AKAP12: variants seen among roughly 807,000 people sequenced by gnomAD.
The protein encoded by AKAP12 is A-kinase anchor protein 12.
Under a neutral mutation model 79.9 loss-of-function variants are expected in AKAP12, and 32 were observed. The ratio of observed to expected loss-of-function variants is 0.40; its 90% CI spans 0.30 to 0.54. AKAP12 has a LOEUF of 0.54. Among genes scored for constraint, AKAP12 ranks in the 20% least tolerant of loss-of-function variants. The probability of loss-of-function intolerance (pLI) is 0.48; values close to 1 mark genes in which losing one functional copy is unlikely to be tolerated. For synonymous variants in AKAP12, 808 were observed against 857.0 expected (o/e 0.94, Z 1.00); for missense variants, 2,074 against 2,177.0 (o/e 0.95, Z 0.94).
chr6:151,268,094 C>CG (rs1244325919), intron 2 of AKAP12, among the ~76,000 whole-genome samples: 2 of 152,116 alleles, frequency 1.3e-5, no homozygotes, highest in Non-Finnish European at 2.9e-5. Context: ...GGAACCCTCA[C>CG]GGGACCCACA....
chr6:151,282,987 G>A (rs1271137389), intron 2 of AKAP12, among the ~76,000 whole-genome samples: 1 of 152,166 alleles, frequency 6.6e-6, no homozygotes, highest in Non-Finnish European at 1.5e-5. Context: ...AAATTTAGAT[G>A]ACTGTTGAAG....
chr6:151,355,610 T>G (rs1301723892), intron 4 of AKAP12, 117 bp from the exon 5 acceptor site: 13 of 152,438 alleles, frequency 8.5e-5, no homozygotes, highest in Admixed American at 8.5e-4. Context: ...CCCATCTTTG[T>G]TTTTTTAATG....
At chr6:151,261,624 C>T (rs1323708921) in intron 2 of AKAP12, among the ~76,000 whole-genome samples, 3 of 151,538 alleles carry the variant, frequency 2.0e-5, no homozygotes, top group Non-Finnish European at 4.4e-5. Context: ...TCACTTGAAC[C>T]CGGGAGGTGG....
intron 3 of AKAP12, among the ~76,000 whole-genome samples, chr6:151,347,475 T>A (rs1056429354): frequency 2.6e-5 from 4 of 152,250 alleles, no homozygotes; most frequent in African/African-American, 9.6e-5. Context: ...CATCTTACAT[T>A]GCAACAGAAG....
At position 151,353,212 on chromosome 6, in the gene AKAP12, T is replaced by G. The variant is rs1267631971; in HGVS notation, c.4821T>G (p.Asp1607Glu). The change falls in exon 4 of 5, where the codon GAT becomes GAG. Residue 1607 changes from aspartate to glutamate, a missense_variant. Asp to Glu is a conservative substitution (Grantham distance 45). Around this residue, in one of 3 missense-constraint regions of AKAP12, gnomAD observed 614 missense variants for 665.6 expected, o/e 0.92. Transcript: ENST00000402676. ...AGGAACCTCAGGCCTCTGCACAGGA[T>G]GAAACACCAATTACTTCAGCCAAAG... ...EGEEPQASAQ[D>E]ETPITSAKEE... is the part of the protein sequence containing the mutation. The G allele has an allele frequency of 1.9e-6, 3 of 1,614,072 alleles. No individual in the cohort carries two copies. In the East Asian group the frequency reaches 6.7e-5, roughly 36 times the overall value.
chr6:151,292,374 A>T (rs764235540), intron 2 of AKAP12, among the ~76,000 whole-genome samples: 1 of 152,216 alleles, frequency 6.6e-6, no homozygotes, highest in Non-Finnish European at 1.5e-5. Context: ...CAATCAGTTT[A>T]AGCAATCTGG....
At chr6:151,302,084 C>T (rs7741837) in intron 2 of AKAP12, among the ~76,000 whole-genome samples, 43,407 of 150,646 alleles carry the variant, frequency 0.29, 7,522 homozygotes, top group Non-Finnish European at 0.41. Flanking sequence ...GATCTCAGCT[C>T]GCTGCAACCT....
rs938251779 is a variant in AKAP12 at position 151,261,194 on chromosome 6, C to A, written c.162+20470C>A. 1.3e-4 allele frequency among the ~76,000 whole-genome samples: 20 copies of A among 151,382 alleles called. 1 individual carries two copies. The East Asian group carries it at 3.7e-3, about 28-fold the overall frequency. ...CCTGAGGTCAGGAGTTCGAGGCCAG[C>A]CTGGTTAACATGGCGAAACCCCATC... On this transcript the variant is annotated intron_variant, in intron 2 of 4. Coordinates refer to ENST00000402676, the MANE Select transcript of AKAP12 (RefSeq NM_005100.4).
At chr6:151,305,035 C>T (rs974889283) in intron 2 of AKAP12, among the ~76,000 whole-genome samples, 3 of 152,210 alleles carry the variant, frequency 2.0e-5, no homozygotes, top group Admixed American at 2.0e-4. Flanking sequence ...CACTGGCCTT[C>T]GCGCCAAGCG....
At position 151,350,128 on chromosome 6, in the gene AKAP12, G is replaced by A. The variant is rs1778236731; in HGVS notation, c.1737G>A (p.Leu579=). 1.2e-6 allele frequency: 2 copies of A among 1,614,040 alleles called. No individual in the cohort carries two copies. Among genetic ancestry groups the A allele is most frequent in the Admixed American group, 3.3e-5 (2 of 60,006 alleles). Residue 579 remains leucine, a synonymous_variant, in exon 4 of 5, where the codon CTG becomes CTA. Transcript: ENST00000402676. This position sits in a 1 kb window ranked among gnomAD's most constrained non-coding sequence, Gnocchi z 4.8. The part of the protein sequence containing the change: ...SPEEPEEITC[L]EKGLAEVQQD... ...AGGAGCCCGAGGAGATCACGTGTCT[G>A]GAAAAGGGCTTAGCCGAGGTGCAGC... is the stretch of plus-strand genomic sequence containing the variant.
chr6:151,345,185 CCTT>C (rs1356837054), intron 3 of AKAP12, among the ~76,000 whole-genome samples: 2 of 151,956 alleles, frequency 1.3e-5, no homozygotes, highest in African/African-American at 4.8e-5. Flanking sequence ...ACACCATTCT[CCTT>C]CCTCAGTCTC....
At chr6:151,354,247 GATTT>G (rs1415798799) in intron 4 of AKAP12, among the ~76,000 whole-genome samples, 1 of 151,042 alleles carries the variant, frequency 6.6e-6, no homozygotes, top group Non-Finnish European at 1.5e-5. Context: ...AGAAAAAATG[GATTT>G]TTTTTCCCCT....
rs1777120159 is a variant in AKAP12, at chr6:151,312,180, A to G, written c.319+6277A>G. 2.6e-5 allele frequency among the ~76,000 whole-genome samples: 4 copies of G among 152,252 alleles called. No individual in the cohort carries two copies. In the South Asian group the frequency reaches 8.3e-4, roughly 32 times the overall value. On this transcript the variant is annotated intron_variant, in intron 3 of 4. Coordinates refer to ENST00000402676, the MANE Select transcript of AKAP12 (RefSeq NM_005100.4). ...CTCACCCACACTTTGGCTAAAATAT[A>G]AGAATCAAGCCCAGGTGCGGTGACT...
chr6:151,322,903 C>CA (rs1180643427), intron 3 of AKAP12, among the ~76,000 whole-genome samples: 1 of 152,244 alleles, frequency 6.6e-6, no homozygotes, highest in Non-Finnish European at 1.5e-5. Flanking sequence ...AACACGTTTT[C>CA]TATCATCCAT....
chr6:151,351,503 C>A lies in AKAP12; in HGVS notation c.3112C>A (p.Arg1038=), dbSNP rs138220637. 3 of 1,614,126 alleles carry A rather than the reference C, an allele frequency of 1.9e-6. No individual in the cohort carries two copies. The highest frequency in any genetic ancestry group is 2.5e-6 in the Non-Finnish European group (3 of 1,180,022). The change falls in exon 4 of 5, where the codon CGG becomes AGG. Residue 1038 remains arginine, a synonymous_variant. Transcript: ENST00000402676. This position sits in a 1 kb window ranked among gnomAD's most constrained non-coding sequence, Gnocchi z 4.4. ...ACCTGACATAGAAGAGCAAGAGAGG[C>A]GGACTCAAGAGGTCCTCCAGGCAGT... is the stretch of plus-strand genomic sequence containing the variant. ...GVPDIEEQER[R]TQEVLQAVAE...
At position 151,299,187 on chromosome 6, in the gene AKAP12, T is replaced by A. The variant is rs558433085; in HGVS notation, c.163-6560T>A. On this transcript the variant is annotated intron_variant, in intron 2 of 4. Transcript: ENST00000402676. Reference sequence around the variant, plus strand: ...TTGATGAATGGCTTAGCTGAGGACATTAATATGTTATTTACATTTGGAGAT... The same window carrying A: ...TTGATGAATGGCTTAGCTGAGGACAATAATATGTTATTTACATTTGGAGAT... 5.9e-5 allele frequency among the ~76,000 whole-genome samples: 9 copies of A among 152,318 alleles called. No homozygotes were observed. The South Asian group carries it at 1.7e-3, about 28-fold the overall frequency.
At chr6:151,269,469 T>C (rs1776130718) in intron 2 of AKAP12, among the ~76,000 whole-genome samples, 1 of 152,188 alleles carries the variant, frequency 6.6e-6, no homozygotes, top group Admixed American at 6.5e-5. Flanking sequence ...AGAATGTATT[T>C]TATTTCCTTT....
intron 2 of AKAP12, among the ~76,000 whole-genome samples, chr6:151,276,557 G>T (rs969935566): frequency 9.9e-5 from 15 of 152,240 alleles, no homozygotes; most frequent in African/African-American, 3.6e-4. Flanking sequence ...CTGTTGAAGG[G>T]ATTTGGTTCC....
chr6:151,323,829 A>G (rs1354085815), intron 3 of AKAP12: 1 of 985,238 alleles, frequency 1.0e-6, no homozygotes, highest in Non-Finnish European at 1.2e-6. Flanking sequence ...TCGATTTCAG[A>G]AGTGGCACCA....
Sources: gnomAD v4.1 joint callset for allele counts (sites outside exome capture counted in the v4.1 genomes callset) on GRCh38, gnomAD v4.1.1 for gene constraint, gnomAD v4.1.1 regional missense constraint, Gnocchi (gnomAD v3.1) non-coding constraint, MANE v1.5 for transcripts, NCBI Gene and HGNC (gene_info 2026-07-23, HGNC 2026-07-21) for gene names.